SATB1: variants seen among roughly 807,000 people sequenced by gnomAD.
The protein encoded by SATB1 is SATB homeobox 1, also known as DNA-binding protein SATB1.
SATB1 carries 11 observed loss-of-function variants against 86.9 expected under a neutral mutation model. That is an observed-to-expected ratio of 0.13 (90% CI 0.08 to 0.21). SATB1 has a LOEUF of 0.21. Ranked by LOEUF, SATB1 falls within the 10% of genes least tolerant of loss-of-function variation. The pLI, the probability that SATB1 is intolerant of heterozygous loss-of-function variation, is 1.00. For missense variants in SATB1, 551 were observed against 937.6 expected (o/e 0.59, Z 5.39); for synonymous variants, 357 against 357.2 (o/e 1.00, Z 0.01).
At position 18,345,863 on chromosome 3, in the gene SATB1, A is replaced by G. The variant is rs1694028517; in HGVS notation, c.*3307T>C. The G allele has an allele frequency of 6.6e-6, 1 of 152,134 alleles. No homozygotes were observed. The highest frequency in any genetic ancestry group is 1.5e-5 in the Non-Finnish European group (1 of 67,986). The allele number at this position is 152,134 out of a possible 1,614,324, so 9.4% of individuals were successfully genotyped here. The stretch of plus-strand genomic sequence containing the variant: ...ACAATCAAAGACCTTAATATCAGCC[A>G]GATGCTAACAATTGGGAATAGGGCA... On this transcript the variant is annotated 3_prime_UTR_variant, in exon 11 of 11. Coordinates refer to ENST00000338745, the MANE Select transcript of SATB1 (RefSeq NM_002971.6).
chr3:18,404,516 T>G (rs1289536380), intron 5 of SATB1, among the ~76,000 whole-genome samples: 1 of 151,972 alleles, frequency 6.6e-6, no homozygotes, highest in East Asian at 1.9e-4. Context: ...TCCAAAGGAA[T>G]ACAAAAGGAA....
At chr3:18,423,251 C>T (rs1698482968) in intron 1 of SATB1, among the ~76,000 whole-genome samples, 1 of 152,176 alleles carries the variant, frequency 6.6e-6, no homozygotes, top group South Asian at 2.1e-4. Flanking sequence ...AAGCAAGCTA[C>T]TTTCTGAAAA....
chr3:18,378,269 C>A lies in SATB1; in HGVS notation c.1476G>T (p.Met492Ile). 6.2e-7 allele frequency: 1 copy of A among 1,611,636 alleles called. No homozygotes were observed. Among genetic ancestry groups the A allele is most frequent in the South Asian group, 1.1e-5 (1 of 90,452 alleles). ...ERNGKPENNTMNINASIYDEI... is the reference protein window; with the variant it reads ...ERNGKPENNTININASIYDEI... ...CATCATAAATGGAAGCATTAATGTT[C>A]ATGGTATTGTTCTCTGGTTTCCCAT... The change falls in exon 9 of 11, where the codon ATG becomes ATT. Residue 492 changes from methionine (M) to isoleucine (I), a missense_variant. Coordinates refer to ENST00000338745, the MANE Select transcript of SATB1 (RefSeq NM_002971.6).
rs74689461 is a variant in SATB1 at position 18,362,698 on chromosome 3, T to G, written c.1576-10503A>C. Among the ~76,000 whole-genome samples, 471 of 151,932 alleles carry G rather than the reference T, an allele frequency of 3.1e-3. 1 individual carries two copies. Among genetic ancestry groups the G allele is most frequent in the African/African-American group, 0.011 (460 of 41,510 alleles). ...TAGGAAACTTTACTTTTCCTAAATTTCTTAACCCAAATGAGTATGTGCTCT... is the reference window on the plus strand; with the variant it reads ...TAGGAAACTTTACTTTTCCTAAATTGCTTAACCCAAATGAGTATGTGCTCT... On this transcript the variant is annotated intron_variant, in intron 9 of 10. Transcript: ENST00000338745.
chr3:18,377,163 C>A (rs544969827), intron 9 of SATB1, among the ~76,000 whole-genome samples: 1 of 152,098 alleles, frequency 6.6e-6, no homozygotes, highest in African/African-American at 2.4e-5. Flanking sequence ...ACAAATATAT[C>A]GGATTATAAA....
At position 18,394,684 on chromosome 3, in the gene SATB1, G is replaced by T; in HGVS notation, c.984C>A (p.Asn328Lys). 6.2e-7 allele frequency: 1 copy of T among 1,614,108 alleles called. No homozygotes were observed. Among genetic ancestry groups the T allele is most frequent in the Non-Finnish European group, 8.5e-7 (1 of 1,179,998 alleles). ...AAAGTCTATTCACTGCATACTGCTGGTTCAGCAGCTGAGCCATCACCAGCT... is the reference window on the plus strand; with the variant it reads ...AAAGTCTATTCACTGCATACTGCTGTTTCAGCAGCTGAGCCATCACCAGCT... ...NQQLVMAQLL[N>K]QQYAVNRLLA... The change falls in exon 7 of 11, where the codon AAC becomes AAA. Residue 328 changes from asparagine (N) to lysine (K), a missense_variant. Around this residue, in one of 8 missense-constraint regions of SATB1, gnomAD observed 119 missense variants for 171.1 expected, o/e 0.70. Coordinates refer to ENST00000338745, the MANE Select transcript of SATB1 (RefSeq NM_002971.6). The surrounding 1 kb of genome is among the most constrained non-coding windows in gnomAD (Gnocchi z 5.9).
intron 5 of SATB1, among the ~76,000 whole-genome samples, chr3:18,414,515 T>C (rs1430718280): frequency 6.6e-6 from 1 of 151,904 alleles, no homozygotes; most frequent in South Asian, 2.1e-4. Context: ...AAAAAGAAAA[T>C]TCCACTTAAA....
At chr3:18,423,195 T>A (rs1178947526) in intron 1 of SATB1, among the ~76,000 whole-genome samples, 1 of 152,162 alleles carries the variant, frequency 6.6e-6, no homozygotes, top group Non-Finnish European at 1.5e-5. Context: ...TCTTTTGAGT[T>A]ACACGTTACA....
At chr3:18,416,869 C>T in intron 3 of SATB1, 33 bp downstream of exon 3, 1 of 1,553,802 alleles carries the variant, frequency 6.4e-7, no homozygotes, top group South Asian at 1.2e-5. Context: ...GAATGCTAAG[C>T]AATTTTTCCA....
chr3:18,360,993 G>A (rs1009665009), intron 9 of SATB1, among the ~76,000 whole-genome samples: 1 of 152,030 alleles, frequency 6.6e-6, no homozygotes, highest in Admixed American at 6.6e-5. Context: ...ATTTGAAAAG[G>A]GGACAATATT....
At chr3:18,415,597 AAAAT>A (rs749792997) in intron 4 of SATB1, among the ~76,000 whole-genome samples, 41 of 152,222 alleles carry the variant, frequency 2.7e-4, no homozygotes, top group Middle Eastern at 3.4e-3. Flanking sequence ...AAATCATAAA[AAAAT>A]AAATAAATAA....
chr3:18,394,339 G>T lies in SATB1; in HGVS notation c.1206+123C>A. 2 of 805,568 alleles carry T rather than the reference G, an allele frequency of 2.5e-6. No homozygotes were observed. The highest frequency in any genetic ancestry group is 4.0e-6 in the Non-Finnish European group (2 of 500,598). The allele number at this position is 805,568 out of a possible 1,614,324, so 49.9% of individuals were successfully genotyped here. ...AGGCTCCACCAGGAATAGGTAATAT[G>T]ATCACATGAAGAGAGAGAGAAAATG... On this transcript the variant is annotated intron_variant, in intron 7 of 10. Coordinates refer to ENST00000338745, the MANE Select transcript of SATB1 (RefSeq NM_002971.6). The surrounding 1 kb of genome is among the most constrained non-coding windows in gnomAD (Gnocchi z 5.9).
chr3:18,351,059 G>A (rs12630303), intron 10 of SATB1: 256,577 of 465,388 alleles, frequency 0.55, 76,876 homozygotes, highest in East Asian at 0.79. Flanking sequence ...GGGGCCCTAA[G>A]AGCGCTAATG....
At chr3:18,413,005 GT>G (rs893721388) in intron 5 of SATB1, among the ~76,000 whole-genome samples, 1 of 151,942 alleles carries the variant, frequency 6.6e-6, no homozygotes, top group Non-Finnish European at 1.5e-5. Context: ...ATTTTTAGAA[GT>G]TTTTTTATGG....
At chr3:18,416,782 A>C in intron 3 of SATB1, 120 bp downstream of exon 3, 1 of 1,011,248 alleles carries the variant, frequency 9.9e-7, no homozygotes, top group African/African-American at 1.7e-5. Flanking sequence ...GCCACAGCCT[A>C]TAAGGAACCA....
intron 9 of SATB1, among the ~76,000 whole-genome samples, chr3:18,366,330 C>T (rs1490623400): frequency 1.3e-5 from 2 of 151,926 alleles, no homozygotes; most frequent in African/African-American, 4.8e-5. Flanking sequence ...CCCTATCTCC[C>T]TAATCTCTTC....
intron 8 of SATB1, among the ~76,000 whole-genome samples, chr3:18,382,199 T>G (rs1179793663): frequency 2.0e-5 from 3 of 152,186 alleles, no homozygotes; most frequent in Non-Finnish European, 4.4e-5. Context: ...ATAAATTTTC[T>G]AAAGCATTGT....
intron 5 of SATB1, among the ~76,000 whole-genome samples, chr3:18,399,420 G>A (rs181418625): frequency 1.3e-5 from 2 of 152,172 alleles, no homozygotes; most frequent in African/African-American, 4.8e-5. Context: ...TCAATTTAAT[G>A]TGATTTGGTA....
At chr3:18,407,372 G>C (rs1458384208) in intron 5 of SATB1, among the ~76,000 whole-genome samples, 1 of 151,868 alleles carries the variant, frequency 6.6e-6, no homozygotes. Context: ...AAAGTATTTG[G>C]TTGTTTTCAC....
Sources: allele counts gnomAD v4.1 joint callset (sites outside exome capture counted in the v4.1 genomes callset), GRCh38; gene constraint gnomAD v4.1.1; regional missense constraint gnomAD v4.1.1; non-coding constraint Gnocchi (gnomAD v3.1); transcripts MANE v1.5; gene names NCBI Gene and HGNC (gene_info 2026-07-23, HGNC 2026-07-21).